The following LRBA variants were observed in gnomAD, a reference collection of about 807,000 sequenced individuals.
The protein encoded by LRBA is lipopolysaccharide-responsive and beige-like anchor protein.
In LRBA, 176 loss-of-function variants were observed where a neutral mutation model predicts 330.0. The ratio of observed to expected loss-of-function variants is 0.53; its 90% CI spans 0.47 to 0.60. LRBA has a LOEUF of 0.60. LRBA is among the 20% of genes least tolerant of loss of function. The probability of loss-of-function intolerance (pLI) is 0.00; values close to 1 mark genes in which losing one functional copy is unlikely to be tolerated. For missense variants in LRBA, 3,259 were observed against 3,444.8 expected (o/e 0.95, Z 1.35); for synonymous variants, 1,230 against 1,193.0 (o/e 1.03, Z -0.64).
chr4:150,994,187 C>A (rs1002974350), intron 2 of LRBA, among the ~76,000 whole-genome samples: 5 of 152,110 alleles, frequency 3.3e-5, no homozygotes, highest in Non-Finnish European at 5.9e-5. Context: ...AATAACCAAC[C>A]CCACCACCAT....
intron 35 of LRBA, among the ~76,000 whole-genome samples, chr4:150,739,228 C>A (rs1211451160): frequency 6.6e-6 from 1 of 151,870 alleles, no homozygotes; most frequent in East Asian, 1.9e-4. Context: ...AGAATATGGC[C>A]TACTACCAGA....
At chr4:150,523,247 T>A (rs758702312) in intron 40 of LRBA, among the ~76,000 whole-genome samples, 6 of 152,182 alleles carry the variant, frequency 3.9e-5, no homozygotes, top group African/African-American at 4.8e-5. Context: ...AAAATTCATG[T>A]GGTGAAACTT....
intron 34 of LRBA, among the ~76,000 whole-genome samples, chr4:150,797,870 T>C (rs545271785): frequency 1.0e-3 from 158 of 152,252 alleles, no homozygotes; most frequent in Non-Finnish European, 1.9e-3. Flanking sequence ...AAACTTTTGT[T>C]TCTCACTTCC....
In LRBA at chr4:150,951,462, C is replaced by G. The variant is rs192136879; in HGVS notation, c.217-22397G>C. ...ATTTTATCAATTATTTTAAAAAGAT[C>G]AGAGATCAGAATGTGTCTTATAATC... is the stretch of plus-strand genomic sequence containing the variant. On this transcript the variant is annotated intron_variant, in intron 2 of 56. Coordinates refer to ENST00000651943, the MANE Select transcript of LRBA (RefSeq NM_001364905.1). Among the ~76,000 whole-genome samples the G allele has an allele frequency of 2.0e-5, 3 of 151,860 alleles. No individual in the cohort carries two copies. In the South Asian group the frequency reaches 6.2e-4, roughly 32 times the overall value.
intron 37 of LRBA, among the ~76,000 whole-genome samples, chr4:150,645,866 C>A (rs900176132): frequency 2.0e-5 from 3 of 151,020 alleles, no homozygotes; most frequent in African/African-American, 7.3e-5. Flanking sequence ...AACTATGAAC[C>A]CCAATTAAGT....
intron 40 of LRBA, among the ~76,000 whole-genome samples, chr4:150,527,388 C>T (rs1344412277): frequency 2.0e-5 from 3 of 152,170 alleles, no homozygotes; most frequent in African/African-American, 7.2e-5. Context: ...CCTAATCAAA[C>T]TATCAACCAA....
rs146433072 is a variant in LRBA, at chr4:150,276,987, C to A, written c.8468+866G>T. ...GACACATGCACATCTATGTTTATTG[C>A]GGCACTATTCACAATAGCAAAGACT... is the stretch of plus-strand genomic sequence containing the variant. On this transcript the variant is annotated intron_variant, in intron 56 of 56. Coordinates refer to ENST00000651943, the MANE Select transcript of LRBA (RefSeq NM_001364905.1). Among the ~76,000 whole-genome samples the A allele has an allele frequency of 4.1e-3, 630 of 152,218 alleles. 3 individuals are homozygous for A. The highest frequency in any genetic ancestry group is 0.014 in the African/African-American group (600 of 41,516).
chr4:150,274,611 T>C (rs1746522208), intron 56 of LRBA, among the ~76,000 whole-genome samples: 1 of 151,722 alleles, frequency 6.6e-6, no homozygotes, highest in African/African-American at 2.4e-5. Flanking sequence ...GATAAAGGGG[T>C]TATCACCACT....
intron 40 of LRBA, among the ~76,000 whole-genome samples, chr4:150,515,150 C>G (rs1762206694): frequency 6.6e-6 from 1 of 152,126 alleles, no homozygotes; most frequent in Non-Finnish European, 1.5e-5. Flanking sequence ...ATACAACACT[C>G]TTAAGTAATC....
intron 56 of LRBA, among the ~76,000 whole-genome samples, chr4:150,277,478 G>A (rs1403595445): frequency 6.6e-6 from 1 of 152,056 alleles, no homozygotes; most frequent in Non-Finnish European, 1.5e-5. Context: ...CAGAGCCTTT[G>A]CTACTTAAAT....
At chr4:150,347,059 C>T (rs1479758415) in intron 48 of LRBA, among the ~76,000 whole-genome samples, 1 of 152,140 alleles carries the variant, frequency 6.6e-6, no homozygotes, top group Non-Finnish European at 1.5e-5. Flanking sequence ...AATTGTGATA[C>T]ATTCTATAGC....
chr4:150,883,409 G>A (rs1215869102), intron 17 of LRBA, among the ~76,000 whole-genome samples: 3 of 152,070 alleles, frequency 2.0e-5, no homozygotes, highest in South Asian at 2.1e-4. Flanking sequence ...GAAGTGAGCC[G>A]AGATTGCACC....
chr4:150,555,786 CAA>C (rs1491530457), intron 40 of LRBA, among the ~76,000 whole-genome samples: 3,848 of 150,948 alleles, frequency 0.025, 156 homozygotes, highest in African/African-American at 0.088. Flanking sequence ...CACACACACA[CAA>C]ACAAATAGAA....
intron 40 of LRBA, among the ~76,000 whole-genome samples, chr4:150,491,805 C>T (rs371766155): frequency 6.6e-6 from 1 of 151,990 alleles, no homozygotes; most frequent in African/African-American, 2.4e-5. Context: ...TTTTTCAAAA[C>T]GTTCATTTCA....
rs556859077 is a variant in LRBA at position 150,392,298 on chromosome 4, T to A, written c.7194+23140A>T. ...AGGTACCAACATGGCCAGTTTCTAGTAAGAGCCCTTTTACTGGATTGTAGA... is the reference window on the plus strand; with the variant it reads ...AGGTACCAACATGGCCAGTTTCTAGAAAGAGCCCTTTTACTGGATTGTAGA... On this transcript the variant is annotated intron_variant, in intron 47 of 56. Transcript: ENST00000651943. Among the ~76,000 whole-genome samples, 3 of 152,300 alleles carry A rather than the reference T, an allele frequency of 2.0e-5. No homozygotes were observed. In the East Asian group the frequency reaches 5.8e-4, roughly 29 times the overall value.
intron 2 of LRBA, among the ~76,000 whole-genome samples, chr4:150,970,291 G>A (rs1030953159): frequency 1.3e-5 from 2 of 151,908 alleles, no homozygotes; most frequent in African/African-American, 2.4e-5. Flanking sequence ...CTTGAGCCCA[G>A]GAGTTTAAGA....
intron 40 of LRBA, among the ~76,000 whole-genome samples, chr4:150,536,196 T>G (rs1162622234): frequency 1.3e-5 from 2 of 152,054 alleles, no homozygotes; most frequent in Middle Eastern, 3.2e-3. Context: ...CCAGATACAA[T>G]GAGGATTCCC....
In LRBA at chr4:150,968,579, T is replaced by A. The variant is rs141764723; in HGVS notation, c.217-39514A>T. ...CCTAACTCTCTTCAATTTTATGAAG[T>A]CTGGGAGAGGTGAGTAAGCTGTAGA... On this transcript the variant is annotated intron_variant, in intron 2 of 56. Coordinates refer to ENST00000651943, the MANE Select transcript of LRBA (RefSeq NM_001364905.1). 3.9e-3 allele frequency among the ~76,000 whole-genome samples: 599 copies of A among 152,238 alleles called. 2 individuals are homozygous for A. Among genetic ancestry groups the A allele is most frequent in the Non-Finnish European group, 5.4e-3 (369 of 68,012 alleles).
intron 34 of LRBA, among the ~76,000 whole-genome samples, chr4:150,784,307 G>A (rs1418150542): frequency 6.6e-6 from 1 of 152,180 alleles, no homozygotes; most frequent in Admixed American, 6.5e-5. Flanking sequence ...AGCTGCTTCA[G>A]AAACGTTTCT....
Sources: gnomAD v4.1 joint callset for allele counts (sites outside exome capture counted in the v4.1 genomes callset) on GRCh38, gnomAD v4.1.1 for gene constraint, MANE v1.5 for transcripts, NCBI Gene and HGNC (gene_info 2026-07-23, HGNC 2026-07-21) for gene names.